Variants in OTUD4 observed in about 807,000 individuals in gnomAD.
The protein encoded by OTUD4 is OTU domain-containing protein 4.
In OTUD4, 24 loss-of-function variants were observed where a neutral mutation model predicts 130.4. That is an observed-to-expected ratio of 0.18 (90% CI 0.13 to 0.26). OTUD4 has a LOEUF of 0.26. Among genes scored for constraint, OTUD4 ranks in the 10% least tolerant of loss-of-function variants. The pLI, the probability that OTUD4 is intolerant of heterozygous loss-of-function variation, is 1.00. For synonymous variants in OTUD4, 420 were observed against 472.5 expected (o/e 0.89, Z 1.44); for missense variants, 1,031 against 1,329.4 (o/e 0.78, Z 3.49).
intron 1 of OTUD4, among the ~76,000 whole-genome samples, chr4:145,176,973 G>A (rs927175631): frequency 2.6e-5 from 4 of 152,304 alleles, no homozygotes; most frequent in Middle Eastern, 3.4e-3. Context: ...TACCTTCACT[G>A]CTGTTCTTGG....
chr4:145,141,168 CAA>C (rs1200809073), intron 19 of OTUD4, among the ~76,000 whole-genome samples: 11 of 54,894 alleles, frequency 2.0e-4, no homozygotes, highest in Admixed American at 3.8e-4. Context: ...GACTCCGTCT[CAA>C]AAAAAAAAAA....
intron 2 of OTUD4, among the ~76,000 whole-genome samples, chr4:145,172,948 C>T (rs1232566395): frequency 1.3e-5 from 2 of 152,166 alleles, no homozygotes; most frequent in African/African-American, 4.8e-5. Flanking sequence ...TCCACCTATG[C>T]CATGGCTGAA....
intron 1 of OTUD4, among the ~76,000 whole-genome samples, chr4:145,176,606 G>C (rs904764389): frequency 7.2e-5 from 11 of 152,122 alleles, no homozygotes; most frequent in Admixed American, 1.3e-4. Flanking sequence ...GGCTGAGGCA[G>C]GAGAATGGCT....
intron 1 of OTUD4, chr4:145,178,216 T>A (rs1015339257): frequency 4.6e-5 from 7 of 152,220 alleles, no homozygotes; most frequent in Non-Finnish European, 7.3e-5. Flanking sequence ...AAGAGGCTTC[T>A]GTATAATCAA....
intron 13 of OTUD4, among the ~76,000 whole-genome samples, chr4:145,147,745 C>G (rs1361869626): frequency 6.6e-6 from 1 of 152,036 alleles, no homozygotes; most frequent in Non-Finnish European, 1.5e-5. Context: ...AAGTGAGAGG[C>G]CAAGAAGGTC....
chr4:145,160,602 CAGG>C (rs1027586178), intron 6 of OTUD4, among the ~76,000 whole-genome samples: 2 of 152,176 alleles, frequency 1.3e-5, no homozygotes, highest in African/African-American at 4.8e-5. Context: ...CACTGGAGGT[CAGG>C]AGTTCAAGAC....
In OTUD4 at chr4:145,138,529, A is replaced by T. The variant is rs774329693; in HGVS notation, c.2246T>A (p.Phe749Tyr). ...PVPVYPHNPW[F>Y]QEAPAAQNES... ...ATTCTGAGCAGCAGGAGCCTCTTGG[A>T]ACCAGGGATTATGAGGATAAACAGG... Residue 749 changes from phenylalanine to tyrosine, a missense_variant, in exon 21 of 21, where the codon TTC (phenylalanine) becomes TAC (tyrosine). Phe to Tyr is a conservative substitution (Grantham distance 22, BLOSUM62 3). Around this residue, in one of 3 missense-constraint regions of OTUD4, gnomAD observed 900 missense variants for 1,095.9 expected, o/e 0.82. Coordinates refer to ENST00000447906, the MANE Select transcript of OTUD4 (RefSeq NM_001366057.1). 1 of 1,614,182 alleles carries T rather than the reference A, an allele frequency of 6.2e-7. No homozygotes were observed. The highest frequency in any genetic ancestry group is 8.5e-7 in the Non-Finnish European group (1 of 1,180,028).
intron 2 of OTUD4, among the ~76,000 whole-genome samples, chr4:145,172,204 A>G (rs1752204573): frequency 6.6e-6 from 1 of 152,270 alleles, no homozygotes; most frequent in South Asian, 2.1e-4. Context: ...AGGCCATTCA[A>G]GGCCACTTCA....
chr4:145,144,078 TAGA>T, intron 15 of OTUD4, 77 bp from the exon 16 acceptor site: 1 of 1,246,640 alleles, frequency 8.0e-7, no homozygotes, highest in Non-Finnish European at 1.2e-6. Context: ...AATACGAAGA[TAGA>T]AGAAGCCAAA....
chr4:145,170,859 T>C (rs2126802810), intron 3 of OTUD4: 1 of 152,352 alleles, frequency 6.6e-6, no homozygotes, highest in South Asian at 2.1e-4. Flanking sequence ...AACGTTAGTT[T>C]TGTAAACAGA....
intron 20 of OTUD4, among the ~76,000 whole-genome samples, chr4:145,139,504 C>T (rs1476189822): frequency 6.6e-6 from 1 of 152,216 alleles, no homozygotes; most frequent in Non-Finnish European, 1.5e-5. Flanking sequence ...GGAGGATGTA[C>T]ACGTTATTTC....
Position 145,171,672 on chromosome 4 carries a change from G to T in OTUD4, c.292C>A (p.Gln98Lys). Residue 98 changes from glutamine (Q) to lysine (K), a missense_variant and splice_region_variant, in exon 3 of 21, where the codon CAG (glutamine) becomes AAG (lysine). Gln to Lys is a moderately conservative substitution (Grantham distance 53). Coordinates refer to ENST00000447906, the MANE Select transcript of OTUD4 (RefSeq NM_001366057.1). ...EEYLKRLENP[Q>K]EWVGQVEISA... ...TATACTAGAAGACTGTGACATACCT[G>T]TGGATTTTCCAAACGCTTTAAATAT... 2 of 1,305,436 alleles carry T rather than the reference G, an allele frequency of 1.5e-6. No homozygotes were observed. Among genetic ancestry groups the T allele is most frequent in the Non-Finnish European group, 2.2e-6 (2 of 901,960 alleles). The allele number at this position is 1,305,436 out of a possible 1,614,324, so 80.9% of individuals were successfully genotyped here. A position where few individuals can be genotyped will look rare whatever the true frequency, so the allele number is the denominator to read the frequency against.
rs1750171665 is a variant in OTUD4, at chr4:145,134,972, AACATAACAGTATG to A, written c.*2445_*2457del. ...CTATTCTCTTATAAAGAAATATGTC[AACATAACAGTATG>A]ACATAACAGTTAAAATGAAGGACAA... On this transcript the variant is annotated 3_prime_UTR_variant, in exon 21 of 21. Coordinates refer to ENST00000447906, the MANE Select transcript of OTUD4 (RefSeq NM_001366057.1). The A allele has an allele frequency of 5.0e-6, 2 of 398,016 alleles. No individual in the cohort carries two copies. The highest frequency in any genetic ancestry group is 4.4e-6 in the Non-Finnish European group (1 of 225,680). The allele number at this position is 398,016 out of a possible 1,614,324, so 24.7% of individuals were successfully genotyped here.
chr4:145,166,349 G>A (rs1751873212), intron 3 of OTUD4, among the ~76,000 whole-genome samples: 2 of 152,040 alleles, frequency 1.3e-5, no homozygotes, highest in Non-Finnish European at 2.9e-5. Context: ...TTTCTGAAAG[G>A]CAAATGGCCA....
At chr4:145,150,452 G>T in intron 13 of OTUD4, 61 bp downstream of exon 13, 1 of 1,135,088 alleles carries the variant, frequency 8.8e-7, no homozygotes, top group Non-Finnish European at 1.3e-6. Context: ...ACATAATGTG[G>T]CAAATATAAC....
chr4:145,162,798 C>T, intron 5 of OTUD4, 77 bp from the exon 6 acceptor site: 1 of 653,132 alleles, frequency 1.5e-6, no homozygotes, highest in Non-Finnish European at 2.6e-6. Flanking sequence ...GTCTCCAATG[C>T]CTCTGAATTA....
chr4:145,164,293 T>C, intron 4 of OTUD4, 67 bp from the exon 5 acceptor site: 1 of 780,100 alleles, frequency 1.3e-6, no homozygotes, highest in Non-Finnish European at 2.1e-6. Flanking sequence ...TAATCATTCA[T>C]TCATTCATCA....
chr4:145,140,299 C>T (rs1750498251), intron 19 of OTUD4, among the ~76,000 whole-genome samples: 1 of 152,118 alleles, frequency 6.6e-6, no homozygotes, highest in Non-Finnish European at 1.5e-5. Context: ...TCTTTCTCAA[C>T]TTTTCTGGGG....
intron 2 of OTUD4, among the ~76,000 whole-genome samples, 180 bp from the exon 3 acceptor site, chr4:145,171,900 C>T (rs1272312277): frequency 6.6e-6 from 1 of 152,142 alleles, no homozygotes; most frequent in East Asian, 1.9e-4. Context: ...TCATTAAAGA[C>T]TATAAACATA....
Sources: gnomAD v4.1 joint callset for allele counts (sites outside exome capture counted in the v4.1 genomes callset) on GRCh38, gnomAD v4.1.1 for gene constraint, gnomAD v4.1.1 regional missense constraint, MANE v1.5 for transcripts, NCBI Gene and HGNC (gene_info 2026-07-23, HGNC 2026-07-21) for gene names.